Variants in PCDHA5 observed in about 807,000 individuals in gnomAD.
The protein encoded by PCDHA5 is protocadherin alpha 5, also known as protocadherin alpha-5.
In PCDHA5, 43 loss-of-function variants were observed where a neutral mutation model predicts 61.6. The observed-to-expected ratio is 0.70, with a 90% CI of 0.55 to 0.90. The LOEUF (loss-of-function observed/expected upper bound fraction) is 0.90. Ranked by LOEUF, PCDHA5 falls within the 40% of genes least tolerant of loss-of-function variation. The pLI, the probability that PCDHA5 is intolerant of heterozygous loss-of-function variation, is 0.00. For synonymous variants in PCDHA5, 627 were observed against 543.9 expected (o/e 1.15, Z -2.13); for missense variants, 1,298 against 1,222.7 (o/e 1.06, Z -0.92).
rs2098423382 is a variant in PCDHA5, at chr5:141,012,241, T to C, written c.*2304T>C. On this transcript the variant is annotated 3_prime_UTR_variant, in exon 4 of 4. Coordinates refer to ENST00000529859, the MANE Select transcript of PCDHA5 (RefSeq NM_018908.3). ...GTGCTTTCCAATCCATGTTAGTTAC[T>C]AGTTATTACAGCTGTAAGGATAAAA... 6.5e-6 allele frequency: 1 copy of C among 153,802 alleles called. No homozygotes were observed. The highest frequency in any genetic ancestry group is 6.5e-5 in the Admixed American group (1 of 15,284). The allele number at this position is 153,802 out of a possible 1,614,324, so 9.5% of individuals were successfully genotyped here.
In PCDHA5 at chr5:140,843,242, G is replaced by T. The variant is rs2150355808; in HGVS notation, c.2352+19115G>T. On this transcript the variant is annotated intron_variant, in intron 1 of 3. Transcript: ENST00000529859. Reference sequence around the variant, plus strand: ...CACCACTCGTGTCCTGGACGAAGCGGACTCTCCGCGCCACCGTCTGCTGGT... The same window carrying T: ...CACCACTCGTGTCCTGGACGAAGCGTACTCTCCGCGCCACCGTCTGCTGGT... 2.5e-5 allele frequency: 40 copies of T among 1,596,002 alleles called. 3 individuals carry two copies. In the African/African-American group the frequency reaches 3.4e-4, roughly 13 times the overall value.
intron 1 of PCDHA5, among the ~76,000 whole-genome samples, chr5:140,934,664 T>G (rs1268113575): frequency 1.3e-5 from 2 of 152,176 alleles, no homozygotes; most frequent in Admixed American, 6.5e-5. Flanking sequence ...TCTTCCCCTT[T>G]GTTTAGCAGT....
chr5:140,887,788 G>A (rs1384145646), intron 1 of PCDHA5, among the ~76,000 whole-genome samples: 4 of 152,006 alleles, frequency 2.6e-5, no homozygotes, highest in Admixed American at 6.6e-5. Flanking sequence ...TCATTGAAGC[G>A]TTCTTTATTT....
In PCDHA5 at chr5:140,857,548, G is replaced by C. The variant is rs782667639; in HGVS notation, c.2352+33421G>C. Reference sequence around the variant, plus strand: ...CTCTGGTGGAGCGGCGGTTGGGCGAGCGCTCGCTGTCGAGCTACGTGTCGG... The same window carrying C: ...CTCTGGTGGAGCGGCGGTTGGGCGACCGCTCGCTGTCGAGCTACGTGTCGG... On this transcript the variant is annotated intron_variant, in intron 1 of 3. Coordinates refer to ENST00000529859, the MANE Select transcript of PCDHA5 (RefSeq NM_018908.3). The C allele has an allele frequency of 5.1e-5, 81 of 1,596,888 alleles. 3 individuals are homozygous for C. In the Middle Eastern group the frequency reaches 9.5e-4, roughly 19 times the overall value.
At chr5:140,968,904 G>A (rs1554231223) in intron 1 of PCDHA5, 1 of 1,614,058 alleles carries the variant, frequency 6.2e-7, no homozygotes, top group Non-Finnish European at 8.5e-7. Flanking sequence ...ATAGCATTAA[G>A]CACAGTGTCT....
intron 1 of PCDHA5, 149 bp from the exon 2 acceptor site, chr5:140,978,800 T>C: frequency 6.8e-7 from 1 of 1,480,668 alleles, no homozygotes; most frequent in South Asian, 1.4e-5. Flanking sequence ...TATATGTAGA[T>C]ATCATCATAG....
Position 140,823,828 on chromosome 5 carries a change from G to A in PCDHA5, c.2053G>A (p.Ala685Thr). The A allele has an allele frequency of 6.2e-7, 1 of 1,613,824 alleles. No individual in the cohort carries two copies. Among genetic ancestry groups the A allele is most frequent in the Non-Finnish European group, 8.5e-7 (1 of 1,179,920 alleles). Residue 685 changes from alanine to threonine, a missense_variant, in exon 1 of 4, where the codon GCT becomes ACT. Coordinates refer to ENST00000529859, the MANE Select transcript of PCDHA5 (RefSeq NM_018908.3). ...GGCCTCATCGCGGGCGTCGGCGGGCGCTGTGGGTCCCGAGGCTGCCCTGGT... is the reference window on the plus strand; with the variant it reads ...GGCCTCATCGCGGGCGTCGGCGGGCACTGTGGGTCCCGAGGCTGCCCTGGT... ...PKASSRASAGAVGPEAALVDV... is the reference protein window; with the variant it reads ...PKASSRASAGTVGPEAALVDV...
chr5:140,884,209 T>G (rs1159344104), intron 1 of PCDHA5: 6 of 1,613,276 alleles, frequency 3.7e-6, no homozygotes, highest in Non-Finnish European at 3.4e-6. Context: ...ACCACCGCCT[T>G]CTGGTGCTGG....
chr5:140,926,813 T>C, intron 1 of PCDHA5: 1 of 1,463,920 alleles, frequency 6.8e-7, no homozygotes, highest in East Asian at 2.5e-5. Flanking sequence ...CCGCGGCTCG[T>C]GCTCTCCAGG....
At chr5:140,858,633 TTTGA>T (rs1554151907) in intron 1 of PCDHA5, 1 of 1,010,458 alleles carries the variant, frequency 9.9e-7, no homozygotes, top group Non-Finnish European at 1.4e-6. Context: ...TGTGTCAGCC[TTTGA>T]TTGGTACTTA....
At chr5:140,860,183 C>G (rs1286653695) in intron 1 of PCDHA5, 2 of 149,278 alleles carry the variant, frequency 1.3e-5, no homozygotes, top group Non-Finnish European at 3.0e-5. Flanking sequence ...ATATGATGGG[C>G]TCTCCTTACA....
At chr5:140,952,349 A>T (rs1554220373) in intron 1 of PCDHA5, among the ~76,000 whole-genome samples, 2 of 152,000 alleles carry the variant, frequency 1.3e-5, no homozygotes, top group African/African-American at 4.8e-5. Flanking sequence ...AAAAAAAAAA[A>T]AAAAAGAAAG....
chr5:140,878,239 T>C (rs1198199054), intron 1 of PCDHA5: 1 of 155,370 alleles, frequency 6.4e-6, no homozygotes, highest in Non-Finnish European at 1.4e-5. Context: ...ATGGATTCTT[T>C]AACTCTTCCT....
At chr5:140,871,014 C>G (rs1554164974) in intron 1 of PCDHA5, 1 of 1,613,178 alleles carries the variant, frequency 6.2e-7, no homozygotes, top group East Asian at 2.2e-5. Context: ...GTGCCCTGGA[C>G]GAGGCAGACT....
At chr5:140,825,690 G>C (rs1554130328) in intron 1 of PCDHA5, 1 of 152,172 alleles carries the variant, frequency 6.6e-6, no homozygotes, top group Admixed American at 6.6e-5. Context: ...CCAAAGTGCT[G>C]GGATTGCAGG....
chr5:140,906,137 G>C (rs1462672499), intron 1 of PCDHA5, among the ~76,000 whole-genome samples: 1 of 152,008 alleles, frequency 6.6e-6, no homozygotes, highest in East Asian at 1.9e-4. Context: ...AGTCTCCTTT[G>C]ATAACACCCT....
intron 1 of PCDHA5, among the ~76,000 whole-genome samples, chr5:140,902,026 A>G (rs1554190175): frequency 6.6e-6 from 1 of 152,114 alleles, no homozygotes; most frequent in Non-Finnish European, 1.5e-5. Flanking sequence ...TAGAAATACT[A>G]CTAATTTTTG....
At chr5:140,942,364 A>AT (rs1401660324) in intron 1 of PCDHA5, among the ~76,000 whole-genome samples, 1 of 152,040 alleles carries the variant, frequency 6.6e-6, no homozygotes, top group Non-Finnish European at 1.5e-5. Context: ...GTTAACGGAG[A>AT]TTGCACCACT....
intron 1 of PCDHA5, among the ~76,000 whole-genome samples, chr5:140,949,891 T>G (rs2094429972): frequency 6.6e-6 from 1 of 151,864 alleles, no homozygotes; most frequent in African/African-American, 2.4e-5. Context: ...TTCCTCAGAA[T>G]CTCTTTTAAT....
Sources: gnomAD v4.1 joint callset for allele counts (sites outside exome capture counted in the v4.1 genomes callset) on GRCh38, gnomAD v4.1.1 for gene constraint, MANE v1.5 for transcripts, NCBI Gene and HGNC (gene_info 2026-07-23, HGNC 2026-07-21) for gene names.